BECN1: variants seen among roughly 807,000 people sequenced by gnomAD.
BECN1 encodes beclin 1.
BECN1 carries 15 observed loss-of-function variants against 60.1 expected under a neutral mutation model. The ratio of observed to expected loss-of-function variants is 0.25; its 90% CI spans 0.17 to 0.38. BECN1 has a LOEUF of 0.38. Ranked by LOEUF, BECN1 falls within the 10% of genes least tolerant of loss-of-function variation. The probability of loss-of-function intolerance (pLI) is 1.00; values close to 1 mark genes in which losing one functional copy is unlikely to be tolerated. For synonymous variants in BECN1, 179 were observed against 201.8 expected (o/e 0.89, Z 0.96); for missense variants, 424 against 548.2 (o/e 0.77, Z 2.26).
At chr17:42,823,982 C>A in intron 1 of BECN1, 103 bp from the exon 2 acceptor site, 1 of 1,420,498 alleles carries the variant, frequency 7.0e-7, no homozygotes, top group South Asian at 1.3e-5. Flanking sequence ...GGAGGGAAGT[C>A]CCAACCTGCG....
Position 42,814,534 on chromosome 17 carries a change from T to C in BECN1, c.970A>G (p.Lys324Glu). The stretch of plus-strand genomic sequence containing the variant: ...GGCTACACTTCCTACCTCTGAAATT[T>C]CAGACCCATCTTATTGGCCAGAGCA... ...LHALANKMGL[K>E]FQRYRLVPYG... Residue 324 changes from lysine (K) to glutamate (E), a missense_variant, in exon 9 of 12, where the codon AAA becomes GAA. Coordinates refer to ENST00000590099, the MANE Select transcript of BECN1 (RefSeq NM_001313998.2). 1 of 1,614,172 alleles carries C rather than the reference T, an allele frequency of 6.2e-7. No individual in the cohort carries two copies.
At position 42,819,848 on chromosome 17, in the gene BECN1, C is replaced by T. The variant is rs550176151; in HGVS notation, c.199-239G>A. Among the ~76,000 whole-genome samples the T allele has an allele frequency of 1.9e-3, 288 of 152,158 alleles. 2 individuals are homozygous for T. The highest frequency in any genetic ancestry group is 6.5e-3 in the African/African-American group (270 of 41,502). On this transcript the variant is annotated intron_variant, in intron 3 of 11. Coordinates refer to ENST00000590099, the MANE Select transcript of BECN1 (RefSeq NM_001313998.2). Reference sequence around the variant, plus strand: ...TTTTTTTTGTGGGGAACAGCATTTCCTAACTATGTTACACTCTATGTATGG... The same window carrying T: ...TTTTTTTTGTGGGGAACAGCATTTCTTAACTATGTTACACTCTATGTATGG...
chr17:42,820,991 C>G, intron 2 of BECN1, 150 bp from the exon 3 acceptor site: 2 of 650,452 alleles, frequency 3.1e-6, no homozygotes, highest in Admixed American at 5.2e-5. Context: ...AATCTGTGGT[C>G]TTCCTCACCC....
At chr17:42,812,020 G>A in intron 10 of BECN1, 1 of 501,676 alleles carries the variant, frequency 2.0e-6, no homozygotes, top group African/African-American at 2.0e-5. Context: ...TGTACCATAG[G>A]TTGAGCATCC....
intron 4 of BECN1, 125 bp downstream of exon 4, chr17:42,819,423 C>G: frequency 1.9e-6 from 2 of 1,051,896 alleles, no homozygotes; most frequent in South Asian, 3.2e-5. Flanking sequence ...TACATCTTTT[C>G]TGAAAGGGCC....
intron 7 of BECN1, among the ~76,000 whole-genome samples, chr17:42,817,809 A>G (rs1488568022): frequency 2.6e-5 from 4 of 152,042 alleles, no homozygotes; most frequent in African/African-American, 9.7e-5. Context: ...TTGGCCTCCC[A>G]AAGTGCTGGA....
chr17:42,824,199 G>A lies in BECN1; in HGVS notation c.-47C>T. On this transcript the variant is annotated 5_prime_UTR_variant, in exon 1 of 12. Coordinates refer to ENST00000590099, the MANE Select transcript of BECN1 (RefSeq NM_001313998.2). ...TCACCCAAGTCCGGTCTACCGCGGA[G>A]GCACTGTGGCCTCGGGTCGGCCCCG... 2.4e-6 allele frequency: 1 copy of A among 418,492 alleles called. No individual in the cohort carries two copies. The highest frequency in any genetic ancestry group is 4.2e-6 in the Non-Finnish European group (1 of 235,844). 25.9% of individuals were successfully genotyped at this position (418,492 alleles called of 1,614,324 possible). A position where few individuals can be genotyped will look rare whatever the true frequency, so the allele number is the denominator to read the frequency against.
At position 42,818,771 on chromosome 17, in the gene BECN1, A is replaced by C. The variant is rs749802116; in HGVS notation, c.351+16T>G. On this transcript the variant is annotated intron_variant, in intron 5 of 11. Transcript: ENST00000590099. The stretch of plus-strand genomic sequence containing the variant: ...AGCCAGGCCTACTGCTTGCCACCGG[A>C]ATGGGGCCGACTTGCCTTCAGTCTT... 8 of 1,613,984 alleles carry C rather than the reference A, an allele frequency of 5.0e-6. No individual in the cohort carries two copies. The East Asian group carries it at 1.8e-4, about 36-fold the overall frequency.
Position 42,810,547 on chromosome 17 carries a change from A to G in BECN1, c.*213T>C. On this transcript the variant is annotated 3_prime_UTR_variant, in exon 12 of 12. Coordinates refer to ENST00000590099, the MANE Select transcript of BECN1 (RefSeq NM_001313998.2). ...GGAGTCCATGGGGTTAAGAATCAAA[A>G]CTGACCAGGGCTGGCAACTATAGAT... 2.4e-6 allele frequency: 1 copy of G among 410,606 alleles called. No homozygotes were observed. The highest frequency in any genetic ancestry group is 4.2e-6 in the Non-Finnish European group (1 of 240,092). 25.4% of individuals were successfully genotyped at this position (410,606 alleles called of 1,614,324 possible).
chr17:42,818,193 GAGA>G, intron 7 of BECN1, 25 bp downstream of exon 7: 1 of 1,607,498 alleles, frequency 6.2e-7, no homozygotes, highest in Non-Finnish European at 8.5e-7. Context: ...CCTCGAGTGT[GAGA>G]AGATAGAACA....
Position 42,814,021 on chromosome 17 carries a change from TACAA to T in BECN1, c.981-17_981-14del, listed in dbSNP as rs2055093789. On this transcript the variant is annotated splice_polypyrimidine_tract_variant and intron_variant, in intron 9 of 11. Transcript: ENST00000590099. The stretch of plus-strand genomic sequence containing the variant: ...AACAAGTCGGTATCTAAAATAGAGA[TACAA>T]ACAGAGATGGATACAGGACTCCTCC... The T allele has an allele frequency of 2.5e-6, 4 of 1,579,848 alleles. No individual in the cohort carries two copies. Among genetic ancestry groups the T allele is most frequent in the African/African-American group, 1.4e-5 (1 of 73,718 alleles).
At chr17:42,818,487 G>C in intron 6 of BECN1, 57 bp downstream of exon 6, 1 of 1,612,924 alleles carries the variant, frequency 6.2e-7, no homozygotes, top group South Asian at 1.1e-5. Context: ...TCTTGGGTAA[G>C]GGCCAAGCAG....
chr17:42,814,401 G>T, intron 9 of BECN1, 123 bp downstream of exon 9: 1 of 1,339,332 alleles, frequency 7.5e-7, no homozygotes, highest in Non-Finnish European at 1.0e-6. Flanking sequence ...CAGCTCTTCA[G>T]CCACAGAAAA....
intron 8 of BECN1, among the ~76,000 whole-genome samples, chr17:42,815,392 G>A (rs2055125675): frequency 6.6e-6 from 1 of 151,980 alleles, no homozygotes; most frequent in African/African-American, 2.4e-5. Context: ...GTCCCCTATG[G>A]GGAAACTCTC....
In BECN1 at chr17:42,816,071, G is replaced by C. The variant is rs776341251; in HGVS notation, c.684-17C>G. On this transcript the variant is annotated splice_polypyrimidine_tract_variant and intron_variant, in intron 7 of 11. Transcript: ENST00000590099. ...CTCTGATACCTGTGAGCAGCCAAGG[G>C]GGCCATTGAAGGCTGTTAGCTTGGG... 1.3e-6 allele frequency: 2 copies of C among 1,561,714 alleles called. No homozygotes were observed. Among genetic ancestry groups the C allele is most frequent in the African/African-American group, 2.7e-5 (2 of 73,250 alleles).
rs748581561 is a variant in BECN1 at position 42,818,894 on chromosome 17, G to A, written c.261-17C>T. The A allele has an allele frequency of 2.9e-5, 47 of 1,613,228 alleles. No individual in the cohort carries two copies. Among genetic ancestry groups the A allele is most frequent in the South Asian group, 1.1e-4 (10 of 91,018 alleles). On this transcript the variant is annotated splice_polypyrimidine_tract_variant and intron_variant, in intron 4 of 11. Transcript: ENST00000590099. ...GACATCATCCTGCAGACAGCCCCCC[G>A]CCCACGGGCCACATGAGGGAACAGA...
At chr17:42,811,545 A>C in intron 11 of BECN1, 110 bp downstream of exon 11, 1 of 1,430,662 alleles carries the variant, frequency 7.0e-7, no homozygotes, top group Non-Finnish European at 9.5e-7. Flanking sequence ...ATTCTGTGCC[A>C]TTTTTTTGCT....
Position 42,810,804 on chromosome 17 carries a change from T to C in BECN1, c.1309A>G (p.Lys437Glu), listed in dbSNP as rs2054981623. ...GAGGACACCCAAGCAAGACCCCACT[T>C]AAGATTCGTCAGCATGAACTTGAGA... ...KALKFMLTNL[K>E]WGLAWVSSQF... The change falls in exon 12 of 12, where the codon AAG becomes GAG. Residue 437 changes from lysine (K) to glutamate (E), a missense_variant. Lys to Glu is a moderately conservative substitution (Grantham distance 56, BLOSUM62 1). Transcript: ENST00000590099. The C allele has an allele frequency of 6.2e-7, 1 of 1,613,636 alleles. No homozygotes were observed. Among genetic ancestry groups the C allele is most frequent in the Admixed American group, 1.7e-5 (1 of 59,942 alleles).
At chr17:42,815,004 C>T (rs139377281) in intron 8 of BECN1, 4 of 302,798 alleles carry the variant, frequency 1.3e-5, no homozygotes, top group African/African-American at 6.6e-5. Flanking sequence ...CCTTTAGATT[C>T]CTACTGATGA....
Sources: gnomAD v4.1 joint callset for allele counts (sites outside exome capture counted in the v4.1 genomes callset) on GRCh38, gnomAD v4.1.1 for gene constraint, MANE v1.5 for transcripts, NCBI Gene and HGNC (gene_info 2026-07-23, HGNC 2026-07-21) for gene names.